Variants in CIST1 observed in about 807,000 individuals in gnomAD.
The protein encoded by CIST1 is colon, intestine and stomach enriched 1, also known as uncharacterized LOC729966.
chr19:18,255,214 T>A, the CIST1 span: 1 of 397,014 alleles, frequency 2.5e-6, no homozygotes, highest in Non-Finnish European at 4.4e-6. This position sits in a 1 kb window ranked among gnomAD's most constrained non-coding sequence, Gnocchi z 4.6. Context: ...CTTTACCAGC[T>A]CTTACCTGTA....
the CIST1 span, among the ~76,000 whole-genome samples, chr19:18,254,743 G>T: frequency 3.9e-5 from 6 of 152,228 alleles, no homozygotes; most frequent in Middle Eastern, 3.4e-3. Context: ...GAAGCTCAAG[G>T]CTCCTCCCCT....
the CIST1 span, chr19:18,255,152 C>A: frequency 2.5e-6 from 1 of 398,076 alleles, no homozygotes; most frequent in Non-Finnish European, 4.4e-6. The surrounding 1 kb of genome is among the most constrained non-coding windows in gnomAD (Gnocchi z 4.6). Flanking sequence ...AGGTGTGTGA[C>A]TGGGCTGTGC....
chr19:18,255,259 G>C, the CIST1 span: 1 of 399,104 alleles, frequency 2.5e-6, no homozygotes, highest in Non-Finnish European at 4.4e-6. The surrounding 1 kb of genome is among the most constrained non-coding windows in gnomAD (Gnocchi z 4.6). Context: ...GCTTTCAGCA[G>C]CACCACCAGC....
the CIST1 span, chr19:18,252,594 C>T: frequency 2.5e-6 from 1 of 392,726 alleles, no homozygotes; most frequent in Non-Finnish European, 4.5e-6. Flanking sequence ...GCGAGACCCT[C>T]TCTCTCTCTC....
chr19:18,251,870 C>T, the CIST1 span, among the ~76,000 whole-genome samples: 1 of 151,962 alleles, frequency 6.6e-6, no homozygotes, highest in East Asian at 1.9e-4. Flanking sequence ...CCCATCGCTG[C>T]GTGCCCAGCC....
chr19:18,252,369 G>C, the CIST1 span: 1 of 399,098 alleles, frequency 2.5e-6, no homozygotes, highest in Admixed American at 4.4e-5. Context: ...GCTGGAGTAG[G>C]ATTTGGGGGG....
the CIST1 span, among the ~76,000 whole-genome samples, chr19:18,251,573 T>A: frequency 6.6e-6 from 1 of 151,864 alleles, no homozygotes; most frequent in Non-Finnish European, 1.5e-5. Context: ...TTGCTGAGAT[T>A]ACAGGCGTCT....
the CIST1 span, chr19:18,250,255 G>A: frequency 2.5e-6 from 1 of 399,026 alleles, no homozygotes; most frequent in East Asian, 3.6e-5. Flanking sequence ...TGGGATAGCA[G>A]CTCCCCCAAC....
chr19:18,251,705 G>GCC, the CIST1 span, among the ~76,000 whole-genome samples: 4 of 26,378 alleles, frequency 1.5e-4, no homozygotes, highest in Non-Finnish European at 2.4e-4. Flanking sequence ...CCCCGCCCTC[G>GCC]GCCTCCCAAA....
At chr19:18,250,433 G>A in the CIST1 span, 2 of 399,098 alleles carry the variant, frequency 5.0e-6, no homozygotes, top group East Asian at 7.1e-5. Context: ...CACCACACTC[G>A]GGTTCCTGTG....
chr19:18,252,133 G>A, the CIST1 span: 1 of 399,364 alleles, frequency 2.5e-6, no homozygotes, highest in Non-Finnish European at 4.4e-6. Flanking sequence ...TGGGAAGTGG[G>A]GCTCCAGTGC....
the CIST1 span, among the ~76,000 whole-genome samples, chr19:18,254,462 G>C: frequency 2.6e-5 from 4 of 152,208 alleles, no homozygotes; most frequent in Non-Finnish European, 5.9e-5. Flanking sequence ...CTGGGTGTTT[G>C]CTCTCCCCAG....
the CIST1 span, among the ~76,000 whole-genome samples, chr19:18,253,970 AC>A: frequency 6.6e-6 from 1 of 151,948 alleles, no homozygotes; most frequent in Non-Finnish European, 1.5e-5. Flanking sequence ...TCCTTGACTC[AC>A]CCTAGGCAGC....
the CIST1 span, chr19:18,250,218 G>T: frequency 2.5e-6 from 1 of 398,780 alleles, no homozygotes; most frequent in Non-Finnish European, 4.4e-6. Context: ...GACACCAAAA[G>T]GCTCTGCAGC....
chr19:18,250,441 G>A, the CIST1 span: 1 of 399,136 alleles, frequency 2.5e-6, no homozygotes, highest in Non-Finnish European at 4.4e-6. Context: ...TCGGGTTCCT[G>A]TGTAACTCAC....
the CIST1 span, chr19:18,255,178 C>A: frequency 2.5e-6 from 1 of 398,526 alleles, no homozygotes; most frequent in South Asian, 1.3e-4. The surrounding 1 kb of genome is among the most constrained non-coding windows in gnomAD (Gnocchi z 4.6). Context: ...CCACCCCCAC[C>A]CTTCCGCTTT....
chr19:18,254,173 C>T, the CIST1 span, among the ~76,000 whole-genome samples: 1 of 152,238 alleles, frequency 6.6e-6, no homozygotes, highest in Admixed American at 6.5e-5. Flanking sequence ...AGCAGAGGGT[C>T]TGGCCTGAGG....
At chr19:18,254,932 T>C in the CIST1 span, among the ~76,000 whole-genome samples, 1 of 152,288 alleles carries the variant, frequency 6.6e-6, no homozygotes, top group South Asian at 2.1e-4. Context: ...AGCAACAGAT[T>C]TGAAAAGGAG....
chr19:18,253,492 A>T, the CIST1 span, among the ~76,000 whole-genome samples: 1 of 151,906 alleles, frequency 6.6e-6, no homozygotes, highest in Non-Finnish European at 1.5e-5. Context: ...TCAAGGCTGC[A>T]GTAAGCCATG....
Sources: gnomAD v4.1 joint callset for allele counts (sites outside exome capture counted in the v4.1 genomes callset) on GRCh38, gnomAD v4.1.1 for gene constraint, Gnocchi (gnomAD v3.1) non-coding constraint, MANE v1.5 for transcripts, NCBI Gene and HGNC (gene_info 2026-07-23, HGNC 2026-07-21) for gene names.